Variants in MTR observed in about 807,000 individuals in gnomAD.
The protein encoded by MTR is methionine synthase.
In MTR, 84 loss-of-function variants were observed where a neutral mutation model predicts 154.8. That is an observed-to-expected ratio of 0.54 (90% CI 0.45 to 0.65). MTR has a LOEUF of 0.65. MTR is among the 30% of genes least tolerant of loss of function. The pLI is 0.00. For missense variants in MTR, 1,275 were observed against 1,570.2 expected (o/e 0.81, Z 3.18); for synonymous variants, 554 against 553.9 (o/e 1.00, Z 0.00).
intron 27 of MTR, 45 bp downstream of exon 27, chr1:236,886,412 A>G: frequency 6.4e-7 from 1 of 1,572,564 alleles, no homozygotes; most frequent in Non-Finnish European, 8.8e-7. Context: ...GTGGTAACTG[A>G]CAGTGTGCTG....
intron 27 of MTR, among the ~76,000 whole-genome samples, chr1:236,888,830 CTTCATGTTCT>C (rs1666161326): frequency 6.6e-6 from 1 of 152,088 alleles, no homozygotes; most frequent in African/African-American, 2.4e-5. Context: ...TGGACATGTT[CTTCATGTTCT>C]TTCATGTTCT....
chr1:236,838,431 C>T lies in MTR; in HGVS notation c.1347C>T (p.Asp449=), dbSNP rs374136936. ...PDIAKVPLCI[D]SSNFAVIEAG... ...GATCTCAGGTACCTTTGTGCATCGA[C>T]TCCTCCAATTTTGCTGTGATTGAAG... is the stretch of plus-strand genomic sequence containing the variant. Residue 449 remains aspartate, a synonymous_variant, in exon 15 of 33, where the codon GAC becomes GAT. Transcript: ENST00000366577. The T allele has an allele frequency of 6.2e-7, 1 of 1,614,000 alleles. No homozygotes were observed. Among genetic ancestry groups the T allele is most frequent in the African/African-American group, 1.3e-5 (1 of 74,894 alleles).
chr1:236,795,543 C>T lies in MTR; in HGVS notation c.-161C>T. The T allele has an allele frequency of 2.0e-6, 3 of 1,535,482 alleles. No homozygotes were observed. The highest frequency in any genetic ancestry group is 2.6e-6 in the Non-Finnish European group (3 of 1,145,430). On this transcript the variant is annotated 5_prime_UTR_variant, in exon 1 of 33. Coordinates refer to ENST00000366577, the MANE Select transcript of MTR (RefSeq NM_000254.3). ...TAGGGCGCTGCGGGCTTTCGGGGTC[C>T]GCAGTCCCCCCGCGACGCGAGCCAA...
At chr1:236,884,731 T>C (rs1342878963) in intron 25 of MTR, among the ~76,000 whole-genome samples, 2 of 152,168 alleles carry the variant, frequency 1.3e-5, no homozygotes, top group Non-Finnish European at 2.9e-5. Context: ...TAGCCTTAAT[T>C]GTTCAGTCTT....
intron 15 of MTR, among the ~76,000 whole-genome samples, chr1:236,843,332 T>A (rs1339590243): frequency 2.0e-5 from 3 of 151,846 alleles, no homozygotes; most frequent in Non-Finnish European, 4.4e-5. Context: ...ATGCTTGTCC[T>A]GTTTGAAAAC....
chr1:236,896,975 A>G (rs771333864), intron 31 of MTR, 31 bp from the exon 32 acceptor site: 12 of 1,521,682 alleles, frequency 7.9e-6, no homozygotes, highest in South Asian at 4.5e-5. Flanking sequence ...CACTGAGTCC[A>G]TAAGCATTTT....
chr1:236,826,801 C>G lies in MTR; in HGVS notation c.928-28C>G, dbSNP rs1662313572. The G allele has an allele frequency of 1.9e-6, 3 of 1,606,160 alleles. No individual in the cohort carries two copies. In the African/African-American group the frequency reaches 4.0e-5, roughly 21 times the overall value. On this transcript the variant is annotated intron_variant, in intron 10 of 32. Coordinates refer to ENST00000366577, the MANE Select transcript of MTR (RefSeq NM_000254.3). Reference sequence around the variant, plus strand: ...TGAGTTTAGAATTCAAGTGAACTTGCTGAAACTTTGTCTCTTCCTAAATGC... The same window carrying G: ...TGAGTTTAGAATTCAAGTGAACTTGGTGAAACTTTGTCTCTTCCTAAATGC...
At chr1:236,801,237 G>A (rs1660684667) in intron 1 of MTR, among the ~76,000 whole-genome samples, 1 of 152,042 alleles carries the variant, frequency 6.6e-6, no homozygotes, top group South Asian at 2.1e-4. Context: ...GCTTAACTTC[G>A]TTCCTTTATC....
chr1:236,840,476 T>C (rs1000091988), intron 15 of MTR, among the ~76,000 whole-genome samples: 1 of 152,166 alleles, frequency 6.6e-6, no homozygotes, highest in Non-Finnish European at 1.5e-5. Context: ...GTGAAGAGGC[T>C]GTCAGGGAAG....
At position 236,877,706 on chromosome 1, in the gene MTR, T is replaced by C. The variant is rs137878824; in HGVS notation, c.2594+2860T>C. Reference sequence around the variant, plus strand: ...CAAACAATGCTGCTATGAACACTTATGCTTATGAATTTTGGTGCACATGTA... The same window carrying C: ...CAAACAATGCTGCTATGAACACTTACGCTTATGAATTTTGGTGCACATGTA... On this transcript the variant is annotated intron_variant, in intron 24 of 32. Coordinates refer to ENST00000366577, the MANE Select transcript of MTR (RefSeq NM_000254.3). Among the ~76,000 whole-genome samples the C allele has an allele frequency of 1.0e-3, 158 of 152,366 alleles. 1 individual carries two copies. The highest frequency in any genetic ancestry group is 3.2e-3 in the African/African-American group (134 of 41,584).
chr1:236,831,278 A>G (rs994050395), intron 12 of MTR, among the ~76,000 whole-genome samples: 3 of 152,236 alleles, frequency 2.0e-5, no homozygotes, highest in African/African-American at 7.2e-5. Flanking sequence ...TCAGTGTGAT[A>G]TATCCACATG....
rs1450757637 is a variant in MTR, at chr1:236,889,234, C to T, written c.2905C>T (p.Leu969=). ...CTTTGAAGACTATGACCTGCAGAAG[C>T]TGGTGGACTACATTGACTGGAAGCC... ...QVFEDYDLQK[L]VDYIDWKPFF... is the part of the protein sequence containing the mutation. The change falls in exon 28 of 33, where the codon CTG becomes TTG. Residue 969 remains leucine, a synonymous_variant. Transcript: ENST00000366577. 11 of 1,614,108 alleles carry T rather than the reference C, an allele frequency of 6.8e-6. No homozygotes were observed. The highest frequency in any genetic ancestry group is 9.3e-6 in the Non-Finnish European group (11 of 1,180,044).
rs115424814 is a variant in MTR at position 236,838,521 on chromosome 1, C to T, written c.1437C>T (p.Asp479=). The T allele has an allele frequency of 8.3e-4, 1,345 of 1,613,998 alleles. 9 individuals are homozygous for T. The African/African-American group carries it at 0.015, about 18-fold the overall frequency. Residue 479 remains aspartate (D), a synonymous_variant, in exon 15 of 33, where the codon GAC becomes GAT. Coordinates refer to ENST00000366577, the MANE Select transcript of MTR (RefSeq NM_000254.3). ...VNSISLKEGE[D]DFLEKARKIK... is the part of the protein sequence containing the mutation. ...GCATTAGTCTGAAGGAAGGAGAGGA[C>T]GACTTCTTGGAGAAGGCCAGGAAGA... is the stretch of plus-strand genomic sequence containing the variant.
rs776021926 is a variant in MTR, at chr1:236,874,722, AT to A, written c.2474-3del. On this transcript the variant is annotated splice_polypyrimidine_tract_variant and splice_region_variant and intron_variant, in intron 23 of 32. Coordinates refer to ENST00000366577, the MANE Select transcript of MTR (RefSeq NM_000254.3). The stretch of plus-strand genomic sequence containing the variant: ...CCTTTTTTTTTTAAAAAAAAAAAAA[AT>A]AGATATAATTGGCCTGTCAGGACTC... 3.8e-6 allele frequency: 6 copies of A among 1,565,878 alleles called. No homozygotes were observed. Among genetic ancestry groups the A allele is most frequent in the East Asian group, 2.3e-5 (1 of 43,432 alleles).
chr1:236,851,682 G>A (rs1305339048), intron 16 of MTR, among the ~76,000 whole-genome samples: 1 of 152,144 alleles, frequency 6.6e-6, no homozygotes, highest in East Asian at 1.9e-4. Flanking sequence ...CCACAAAATA[G>A]TAAGAATTGA....
chr1:236,869,549 C>G lies in MTR; in HGVS notation c.2406-4224C>G, dbSNP rs578245908. Among the ~76,000 whole-genome samples the G allele has an allele frequency of 5.0e-4, 76 of 152,322 alleles. No homozygotes were observed. In the South Asian group the frequency reaches 0.015, roughly 30 times the overall value. On this transcript the variant is annotated intron_variant, in intron 22 of 32. Coordinates refer to ENST00000366577, the MANE Select transcript of MTR (RefSeq NM_000254.3). ...ACTGTAAAATCAACAACTTCCGTAACATTCATTTTTATTCTCTTTAGCCTC... is the reference window on the plus strand; with the variant it reads ...ACTGTAAAATCAACAACTTCCGTAAGATTCATTTTTATTCTCTTTAGCCTC...
chr1:236,822,379 G>A (rs952726222), intron 8 of MTR, among the ~76,000 whole-genome samples: 8 of 140,638 alleles, frequency 5.7e-5, no homozygotes, highest in African/African-American at 7.9e-5. Context: ...GTATGATCAT[G>A]GCTCACTGCA....
intron 22 of MTR, among the ~76,000 whole-genome samples, chr1:236,873,161 G>A (rs1665233063): frequency 1.3e-5 from 2 of 152,234 alleles, no homozygotes; most frequent in Non-Finnish European, 2.9e-5. Context: ...ACTGTGCTAA[G>A]TGAAGTTTAG....
chr1:236,866,302 A>G (rs188394739), intron 22 of MTR, among the ~76,000 whole-genome samples: 69 of 152,254 alleles, frequency 4.5e-4, no homozygotes, highest in Middle Eastern at 3.4e-3. Flanking sequence ...ATGATCTGTG[A>G]TCAGTGATCA....
Sources: gnomAD v4.1 joint callset for allele counts (sites outside exome capture counted in the v4.1 genomes callset) on GRCh38, gnomAD v4.1.1 for gene constraint, MANE v1.5 for transcripts, NCBI Gene and HGNC (gene_info 2026-07-23, HGNC 2026-07-21) for gene names.